Variants in TM4SF19 observed in about 807,000 individuals in gnomAD.
TM4SF19 encodes the protein transmembrane 4 L6 family member 19.
Under a neutral mutation model 21.8 loss-of-function variants are expected in TM4SF19, and 17 were observed. That is an observed-to-expected ratio of 0.78 (90% CI 0.53 to 1.17). The LOEUF (loss-of-function observed/expected upper bound fraction) is 1.17, where lower values mean the gene tolerates loss of function less well. Among genes scored for constraint, TM4SF19 ranks in the 50% most tolerant of loss-of-function variants. TM4SF19 has a pLI of 0.00. For synonymous variants in TM4SF19, 107 were observed against 106.7 expected, an observed-to-expected ratio of 1.00 and a Z score of -0.02; for missense variants, 216 against 252.1, an observed-to-expected ratio of 0.86 and a Z score of 0.97.
intron 1 of TM4SF19, among the ~76,000 whole-genome samples, chr3:196,333,381 A>G (rs1316323986): frequency 1.3e-5 from 2 of 152,240 alleles, no homozygotes; most frequent in Non-Finnish European, 2.9e-5. Flanking sequence ...AGGCATAGTA[A>G]GAAGTTCGCA....
In TM4SF19 at chr3:196,327,528, G is replaced by C; in HGVS notation, c.63C>G (p.Ser21Arg). The C allele has an allele frequency of 6.2e-7, 1 of 1,614,106 alleles. No individual in the cohort carries two copies. Among genetic ancestry groups the C allele is most frequent in the Non-Finnish European group, 8.5e-7 (1 of 1,180,040 alleles). Residue 21 changes from serine to arginine, a missense_variant, in exon 2 of 5, where the codon AGC becomes AGG. Coordinates refer to ENST00000273695, the MANE Select transcript of TM4SF19 (RefSeq NM_138461.4). ...CAGCAAACAGGGCTGCAGTCCCAAG[G>C]CTCAGTCCCAGGATACGGGAGCAAG... Reference protein sequence around the residue: ...SRTCSRILGLSLGTAALFAAG... With the variant: ...SRTCSRILGLRLGTAALFAAG...
At chr3:196,327,237 G>A (rs1452844666) in intron 2 of TM4SF19, among the ~76,000 whole-genome samples, 153 bp downstream of exon 2, 3 of 152,188 alleles carry the variant, frequency 2.0e-5, no homozygotes, top group African/African-American at 7.2e-5. Context: ...TCCCAAGCTA[G>A]GCTTCCTGTC....
chr3:196,324,192 T>C (rs1189383292), intron 4 of TM4SF19, 79 bp downstream of exon 4: 3 of 1,542,754 alleles, frequency 1.9e-6, no homozygotes, highest in Non-Finnish European at 2.7e-6. Context: ...CAAAGGAGCT[T>C]GTAGTTCGTC....
intron 1 of TM4SF19, among the ~76,000 whole-genome samples, chr3:196,330,775 G>A (rs551853408): frequency 6.6e-6 from 1 of 152,234 alleles, no homozygotes; most frequent in East Asian, 1.9e-4. Context: ...GATTCTGGTG[G>A]TGAATACATA....
In TM4SF19 at chr3:196,323,921, G is replaced by A. The variant is rs2108804117; in HGVS notation, c.526C>T (p.Leu176Phe). 6.2e-7 allele frequency: 1 copy of A among 1,614,152 alleles called. No individual in the cohort carries two copies. Among genetic ancestry groups the A allele is most frequent in the Non-Finnish European group, 8.5e-7 (1 of 1,180,036 alleles). ...PSAAVVWHVS[L>F]FSALLCISLL... ...CTGATGCACAGAAGGGCGGAGAAGA[G>A]GGACACGTGCCAGACAACAGCTGCA... The change falls in exon 5 of 5, where the codon CTC becomes TTC. Residue 176 changes from leucine to phenylalanine, a missense_variant. Physicochemically the swap from Leu to Phe is conservative, Grantham distance 22 (BLOSUM62 0). Coordinates refer to ENST00000273695, the MANE Select transcript of TM4SF19 (RefSeq NM_138461.4).
intron 1 of TM4SF19, among the ~76,000 whole-genome samples, chr3:196,331,047 G>A (rs889301210): frequency 6.6e-6 from 1 of 152,054 alleles, no homozygotes; most frequent in Non-Finnish European, 1.5e-5. Flanking sequence ...GCCAAGGCAG[G>A]TGGATCGCCT....
chr3:196,336,220 C>T (rs1006040346), intron 1 of TM4SF19, among the ~76,000 whole-genome samples: 1 of 151,926 alleles, frequency 6.6e-6, no homozygotes, highest in Non-Finnish European at 1.5e-5. Context: ...CTCACTGCTA[C>T]CTCCGCCTCC....
Position 196,327,577 on chromosome 3 carries a change from GGA to G in TM4SF19, c.12_13del (p.Pro5LeufsTer35). ...AGTCCGTGAGCTTGCCTGCGTGCAG[GGA>G]GAGGACACCATCCTGGAACAGATAG... On this transcript the variant is annotated frameshift_variant, in exon 2 of 5. Transcript: ENST00000273695. LOFTEE classifies it high-confidence loss of function. The G allele has an allele frequency of 6.2e-7, 1 of 1,613,534 alleles. No homozygotes were observed. Among genetic ancestry groups the G allele is most frequent in the African/African-American group, 1.3e-5 (1 of 75,054 alleles).
chr3:196,335,107 A>G (rs1245397870), intron 1 of TM4SF19, among the ~76,000 whole-genome samples: 6 of 14,696 alleles, frequency 4.1e-4, no homozygotes, highest in African/African-American at 6.6e-4. Flanking sequence ...GAGGGAAGGG[A>G]TGCCCTGAGA....
chr3:196,326,932 G>A (rs1210313100), intron 3 of TM4SF19, 23 bp downstream of exon 3: 1 of 1,593,986 alleles, frequency 6.3e-7, no homozygotes, highest in South Asian at 1.1e-5. Flanking sequence ...CTGGGTGTTA[G>A]AAGAGTGGAA....
In TM4SF19 at chr3:196,327,456, G is replaced by A; in HGVS notation, c.135C>T (p.Tyr45=). ...ALLLPNWDVT[Y]LLRGLLGRHA... ...GCCTGCCAAGGAGGCCCCTCAACAG[G>A]TAGGTGACATCCCAGTTAGGAAGGA... The change falls in exon 2 of 5, where the codon TAC becomes TAT. Residue 45 remains tyrosine (Y), a synonymous_variant. Coordinates refer to ENST00000273695, the MANE Select transcript of TM4SF19 (RefSeq NM_138461.4). 1 of 1,614,160 alleles carries A rather than the reference G, an allele frequency of 6.2e-7. No individual in the cohort carries two copies. The highest frequency in any genetic ancestry group is 8.5e-7 in the Non-Finnish European group (1 of 1,180,028).
chr3:196,337,985 G>A (rs957136976), intron 1 of TM4SF19, among the ~76,000 whole-genome samples: 1 of 152,102 alleles, frequency 6.6e-6, no homozygotes, highest in Non-Finnish European at 1.5e-5. Flanking sequence ...GCACATGGAG[G>A]AACCTAATCC....
intron 1 of TM4SF19, among the ~76,000 whole-genome samples, chr3:196,328,602 T>A (rs1336884004): frequency 6.6e-6 from 1 of 152,082 alleles, no homozygotes; most frequent in Admixed American, 6.6e-5. Flanking sequence ...GAGACCTAAA[T>A]AAATGGAGAC....
chr3:196,328,796 AAAAC>A (rs1349990444), intron 1 of TM4SF19, among the ~76,000 whole-genome samples: 2 of 152,350 alleles, frequency 1.3e-5, no homozygotes, highest in African/African-American at 2.4e-5. Flanking sequence ...GCAATTCTGA[AAAAC>A]AAACAAAGCT....
intron 1 of TM4SF19, among the ~76,000 whole-genome samples, chr3:196,330,738 T>C (rs1347694899): frequency 6.6e-6 from 1 of 152,152 alleles, no homozygotes; most frequent in Non-Finnish European, 1.5e-5. Flanking sequence ...GGAAGCTTTC[T>C]GAAGGGGTGG....
At chr3:196,332,928 C>T (rs747424237) in intron 1 of TM4SF19, among the ~76,000 whole-genome samples, 3 of 146,548 alleles carry the variant, frequency 2.0e-5, no homozygotes, top group Non-Finnish European at 4.5e-5. Context: ...TCATTGTTCA[C>T]TGCAGCCCTG....
chr3:196,331,347 G>A (rs943553647), intron 1 of TM4SF19, among the ~76,000 whole-genome samples: 1 of 151,074 alleles, frequency 6.6e-6, no homozygotes, highest in East Asian at 1.9e-4. Context: ...GCAGACTCAT[G>A]TCAATGTGGA....
chr3:196,324,744 C>T (rs1421920833), intron 3 of TM4SF19: 2 of 341,920 alleles, frequency 5.8e-6, no homozygotes, highest in Non-Finnish European at 1.1e-5. Flanking sequence ...CTGAGCTGCT[C>T]AGCAGCTTGG....
chr3:196,326,636 A>T (rs1727302962), intron 3 of TM4SF19, among the ~76,000 whole-genome samples: 1 of 152,174 alleles, frequency 6.6e-6, no homozygotes, highest in South Asian at 2.1e-4. Flanking sequence ...ACAGTGTCAT[A>T]ACTCATGTCC....
Sources: allele counts gnomAD v4.1 joint callset (sites outside exome capture counted in the v4.1 genomes callset), GRCh38; gene constraint gnomAD v4.1.1; transcripts MANE v1.5; gene names NCBI Gene and HGNC (gene_info 2026-07-23, HGNC 2026-07-21).